Variants in SFXN5 observed in about 807,000 individuals in gnomAD.
The protein encoded by SFXN5 is sideroflexin 5, also known as sideroflexin-5.
SFXN5 carries 43 observed loss-of-function variants against 50.2 expected under a neutral mutation model. The observed-to-expected ratio is 0.86, with a 90% CI of 0.67 to 1.11. SFXN5 has a LOEUF of 1.11. Ranked by LOEUF, SFXN5 falls within the 50% of genes least tolerant of loss-of-function variation. The pLI is 0.00. For synonymous variants in SFXN5, 203 were observed against 185.8 expected, an observed-to-expected ratio of 1.09 and a Z score of -0.75; for missense variants, 463 against 454.1, an observed-to-expected ratio of 1.02 and a Z score of -0.18.
intron 6 of SFXN5, among the ~76,000 whole-genome samples, chr2:73,017,476 T>G (rs1322849404): frequency 6.6e-6 from 1 of 152,240 alleles, no homozygotes; most frequent in Non-Finnish European, 1.5e-5. Context: ...CAAGAAACTT[T>G]TGAACATGGT....
chr2:73,041,304 A>C (rs1286673531), intron 2 of SFXN5, among the ~76,000 whole-genome samples: 1 of 152,228 alleles, frequency 6.6e-6, no homozygotes, highest in Non-Finnish European at 1.5e-5. Flanking sequence ...GAAGGAGAAC[A>C]ACCAAACTGG....
chr2:72,946,867 G>A (rs969499797), intron 13 of SFXN5, among the ~76,000 whole-genome samples: 2 of 152,142 alleles, frequency 1.3e-5, no homozygotes, highest in Admixed American at 6.5e-5. Flanking sequence ...GATCCTCAGG[G>A]ATCAAGTCAG....
chr2:73,015,980 T>C (rs1462297353), intron 6 of SFXN5, among the ~76,000 whole-genome samples: 1 of 152,118 alleles, frequency 6.6e-6, no homozygotes, highest in Non-Finnish European at 1.5e-5. Context: ...TTCGTCTTTC[T>C]AGGCAGTTTT....
chr2:72,954,734 C>T (rs576190945), intron 13 of SFXN5, among the ~76,000 whole-genome samples: 12 of 152,342 alleles, frequency 7.9e-5, no homozygotes, highest in African/African-American at 2.6e-4. Flanking sequence ...GCCCTGCCCA[C>T]TTGCCGTGCC....
chr2:73,051,005 C>G (rs1457311004), intron 2 of SFXN5, among the ~76,000 whole-genome samples: 5 of 152,244 alleles, frequency 3.3e-5, no homozygotes, highest in Non-Finnish European at 5.9e-5. Context: ...TCAAGCCCTG[C>G]CTTCCACGAA....
rs193202883 is a variant in SFXN5 at position 73,047,451 on chromosome 2, G to A, written c.172-6520C>T. Among the ~76,000 whole-genome samples the A allele has an allele frequency of 1.9e-3, 281 of 149,728 alleles. 3 individuals carry two copies. Among genetic ancestry groups the A allele is most frequent in the Middle Eastern group, 6.9e-3 (2 of 290 alleles). On this transcript the variant is annotated intron_variant, in intron 2 of 13. Coordinates refer to ENST00000272433, the MANE Select transcript of SFXN5 (RefSeq NM_144579.3). ...AGGTTGGTATAATTTGCAGGACAATGATATGGTTTGGCTGTGTCTCTACCA... is the reference window on the plus strand; with the variant it reads ...AGGTTGGTATAATTTGCAGGACAATAATATGGTTTGGCTGTGTCTCTACCA...
intron 9 of SFXN5, among the ~76,000 whole-genome samples, chr2:72,995,861 C>T (rs921820764): frequency 6.6e-6 from 1 of 152,126 alleles, no homozygotes; most frequent in Non-Finnish European, 1.5e-5. Context: ...AGCAAGCTGC[C>T]GATTTTCCAA....
intron 3 of SFXN5, among the ~76,000 whole-genome samples, chr2:73,025,321 C>G (rs1467997833): frequency 6.6e-6 from 1 of 152,098 alleles, no homozygotes; most frequent in African/African-American, 2.4e-5. Flanking sequence ...CTGCATCCTC[C>G]CACCTCTGGA....
At chr2:72,991,927 C>T (rs1199773224) in intron 9 of SFXN5, among the ~76,000 whole-genome samples, 1 of 152,194 alleles carries the variant, frequency 6.6e-6, no homozygotes, top group African/African-American at 2.4e-5. Flanking sequence ...TCTGTTTTAA[C>T]AGCATCCAAA....
Position 73,044,774 on chromosome 2 carries a change from G to A in SFXN5, c.172-3843C>T, listed in dbSNP as rs550949512. Among the ~76,000 whole-genome samples the A allele has an allele frequency of 1.7e-3, 256 of 152,378 alleles. 1 individual carries two copies. Among genetic ancestry groups the A allele is most frequent in the Non-Finnish European group, 2.2e-3 (151 of 68,042 alleles). On this transcript the variant is annotated intron_variant, in intron 2 of 13. Transcript: ENST00000272433. Reference sequence around the variant, plus strand: ...CTCCATCGCCAGCCTGCCAGCAAGTGTCACCATGAGAGTCCCTCCATGTAT... The same window carrying A: ...CTCCATCGCCAGCCTGCCAGCAAGTATCACCATGAGAGTCCCTCCATGTAT...
chr2:73,029,846 C>A lies in SFXN5; in HGVS notation c.250-6632G>T, dbSNP rs551112625. Among the ~76,000 whole-genome samples, 11 of 152,192 alleles carry A rather than the reference C, an allele frequency of 7.2e-5. No individual in the cohort carries two copies. In the East Asian group the frequency reaches 1.7e-3, roughly 24 times the overall value. Reference sequence around the variant, plus strand: ...CAGCACTCTGGGAGGCTGAGGCAGGCAAACTGCTTGAGCTCAGGAGTTTGA... The same window carrying A: ...CAGCACTCTGGGAGGCTGAGGCAGGAAAACTGCTTGAGCTCAGGAGTTTGA... On this transcript the variant is annotated intron_variant, in intron 3 of 13. Transcript: ENST00000272433.
At position 72,950,914 on chromosome 2, in the gene SFXN5, T is replaced by C. The variant is rs1258245788; in HGVS notation, c.946-5815A>G. Among the ~76,000 whole-genome samples the C allele has an allele frequency of 1.3e-5, 2 of 152,040 alleles. No homozygotes were observed. Among genetic ancestry groups the C allele is most frequent in the African/African-American group, 2.4e-5 (1 of 41,380 alleles). ...GAGGAGAGAGGACAAGGAGTGGCCA[T>C]AGGGAGAAGGGGTGGCCCAGGCCCA... On this transcript the variant is annotated intron_variant, in intron 13 of 13. Transcript: ENST00000272433. The surrounding 1 kb of genome is among the most constrained non-coding windows in gnomAD (Gnocchi z 4.2).
intron 9 of SFXN5, chr2:72,998,699 T>A (rs1417744400): frequency 7.5e-6 from 4 of 536,024 alleles, no homozygotes; most frequent in African/African-American, 5.7e-5. Context: ...AAGACAGATG[T>A]CCTGCCTCAG....
In SFXN5 at chr2:73,044,580, G is replaced by A. The variant is rs1386824270; in HGVS notation, c.172-3649C>T. On this transcript the variant is annotated intron_variant, in intron 2 of 13. Coordinates refer to ENST00000272433, the MANE Select transcript of SFXN5 (RefSeq NM_144579.3). The stretch of plus-strand genomic sequence containing the variant: ...ACCGTGAGGCTCAGCAGAAGGGCCC[G>A]GGTACTTGAGAGGTGGTGAAAGCTG... 5.2e-5 allele frequency: 8 copies of A among 152,606 alleles called. No individual in the cohort carries two copies. The East Asian group carries it at 5.8e-4, about 11-fold the overall frequency. The allele number at this position is 152,606 out of a possible 1,614,324, so 9.5% of individuals were successfully genotyped here. A position where few individuals can be genotyped will look rare whatever the true frequency, so the allele number is the denominator to read the frequency against.
intron 5 of SFXN5, among the ~76,000 whole-genome samples, 199 bp from the exon 6 acceptor site, chr2:73,020,463 T>C (rs990405731): frequency 6.6e-6 from 1 of 152,086 alleles, no homozygotes; most frequent in Non-Finnish European, 1.5e-5. Context: ...AGCCTCCTCT[T>C]CTCTGCTCCC....
chr2:73,042,706 T>G (rs1016682979), intron 2 of SFXN5: 1 of 147,090 alleles, frequency 6.8e-6, no homozygotes, highest in African/African-American at 2.5e-5. Flanking sequence ...ATGGGAGGAT[T>G]GATTGAGCCT....
At chr2:73,010,431 C>A (rs1322863558) in intron 6 of SFXN5, among the ~76,000 whole-genome samples, 1 of 152,134 alleles carries the variant, frequency 6.6e-6, no homozygotes, top group Non-Finnish European at 1.5e-5. Context: ...TATGGGGTGA[C>A]TTTTTACAAT....
At chr2:73,066,183 G>A (rs1352207675) in intron 1 of SFXN5, among the ~76,000 whole-genome samples, 1 of 152,154 alleles carries the variant, frequency 6.6e-6, no homozygotes, top group African/African-American at 2.4e-5. Flanking sequence ...GCAACATTGA[G>A]AAGGTGGGGA....
chr2:73,029,651 A>T lies in SFXN5; in HGVS notation c.250-6437T>A, dbSNP rs113269201. On this transcript the variant is annotated intron_variant, in intron 3 of 13. Transcript: ENST00000272433. ...CGGCACTGGAGCATGTCAGTGTCTG[A>T]GGTTGGCCAGAATGACTTATTCACT... is the stretch of plus-strand genomic sequence containing the variant. Among the ~76,000 whole-genome samples, 4 of 152,306 alleles carry T rather than the reference A, an allele frequency of 2.6e-5. 1 individual carries two copies. Among genetic ancestry groups the T allele is most frequent in the African/African-American group, 9.6e-5 (4 of 41,566 alleles).
Sources: allele counts gnomAD v4.1 joint callset (sites outside exome capture counted in the v4.1 genomes callset), GRCh38; gene constraint gnomAD v4.1.1; non-coding constraint Gnocchi (gnomAD v3.1); transcripts MANE v1.5; gene names NCBI Gene and HGNC (gene_info 2026-07-23, HGNC 2026-07-21).